Variants in IL16 observed in about 807,000 individuals in gnomAD.
IL16 encodes the protein pro-interleukin-16.
Under a neutral mutation model 110.1 loss-of-function variants are expected in IL16, and 67 were observed. The ratio of observed to expected loss-of-function variants is 0.61; its 90% CI spans 0.50 to 0.75. The LOEUF (loss-of-function observed/expected upper bound fraction) is 0.75, where lower values mean the gene tolerates loss of function less well. Ranked by LOEUF, IL16 falls within the 30% of genes least tolerant of loss-of-function variation. The pLI, the probability that IL16 is intolerant of heterozygous loss-of-function variation, is 0.00. For missense variants in IL16, 1,545 were observed against 1,655.0 expected (o/e 0.93, Z 1.15); for synonymous variants, 689 against 662.9 (o/e 1.04, Z -0.61).
intron 2 of IL16, among the ~76,000 whole-genome samples, chr15:81,232,067 C>CTT (rs1188437602): frequency 5.5e-5 from 3 of 54,326 alleles, no homozygotes; most frequent in Non-Finnish European, 7.3e-5. Context: ...TTTTTTTTTT[C>CTT]TTTTTTTTTT....
intron 1 of IL16, among the ~76,000 whole-genome samples, chr15:81,213,926 A>G (rs1007575138): frequency 6.6e-6 from 1 of 151,874 alleles, no homozygotes; most frequent in African/African-American, 2.4e-5. Flanking sequence ...TCATGTTTTG[A>G]TCCTGTCCTC....
intron 2 of IL16, among the ~76,000 whole-genome samples, chr15:81,249,037 T>C (rs1897674168): frequency 6.6e-6 from 1 of 152,120 alleles, no homozygotes; most frequent in South Asian, 2.1e-4. Context: ...ATTTCTGTGA[T>C]TTTATGGTGA....
chr15:81,276,595 C>T (rs769524352), intron 6 of IL16, among the ~76,000 whole-genome samples: 3 of 152,198 alleles, frequency 2.0e-5, no homozygotes, highest in Non-Finnish European at 4.4e-5. Flanking sequence ...CATGGCTCCT[C>T]AGTTGGCCAA....
chr15:81,184,078 A>G (rs566883446), intron 1 of IL16, among the ~76,000 whole-genome samples: 1 of 152,346 alleles, frequency 6.6e-6, no homozygotes, highest in South Asian at 2.1e-4. Flanking sequence ...GGCTCTTCGT[A>G]TAGCAGAAAG....
At chr15:81,255,742 C>T (rs1346076669) in intron 2 of IL16, among the ~76,000 whole-genome samples, 3 of 146,522 alleles carry the variant, frequency 2.0e-5, no homozygotes, top group African/African-American at 5.0e-5. Flanking sequence ...CCCTCTAACA[C>T]GGCATTAAGT....
At chr15:81,202,515 C>G (rs1048729354) in intron 1 of IL16, among the ~76,000 whole-genome samples, 2 of 148,978 alleles carry the variant, frequency 1.3e-5, no homozygotes, top group Non-Finnish European at 3.0e-5. Context: ...GTGATGTTCC[C>G]CTTCCTGTGT....
At chr15:81,263,354 T>TG (rs762381522) in intron 3 of IL16, among the ~76,000 whole-genome samples, 1,554 of 146,344 alleles carry the variant, frequency 0.011, 18 homozygotes, top group African/African-American at 0.026. Flanking sequence ...CTATTTTTTT[T>TG]TGTTTTTTTT....
chr15:81,211,352 G>A (rs1438027421), intron 1 of IL16, among the ~76,000 whole-genome samples: 6 of 151,794 alleles, frequency 4.0e-5, no homozygotes, highest in Non-Finnish European at 8.8e-5. Flanking sequence ...CCCAGGTTCA[G>A]GCTATTCTCC....
chr15:81,302,119 C>G (rs543339272), intron 15 of IL16: 1 of 152,566 alleles, frequency 6.6e-6, no homozygotes, highest in East Asian at 1.9e-4. Flanking sequence ...CCTGCACCCT[C>G]TAGGTGCTGC....
rs542885093 is a variant in IL16, at chr15:81,201,219, CATG to C, written c.-102+4070_-102+4072del. 6.7e-3 allele frequency among the ~76,000 whole-genome samples: 1,016 copies of C among 151,984 alleles called. 8 individuals are homozygous for C. The highest frequency in any genetic ancestry group is 0.018 in the Admixed American group (270 of 15,234). ...TATATCTAAAAATAATCTTAAAAGA[CATG>C]ATATGTAATTTCTTACCAAAACTCA... On this transcript the variant is annotated intron_variant, in intron 1 of 18. Coordinates refer to ENST00000683961, the MANE Select transcript of IL16 (RefSeq NM_172217.5).
At chr15:81,293,059 T>C (rs375395551) in intron 12 of IL16, 22 bp downstream of exon 12, 3 of 1,580,226 alleles carry the variant, frequency 1.9e-6, no homozygotes, top group African/African-American at 2.7e-5. Context: ...GGTCCACAGG[T>C]TGAGTGTTTC....
At chr15:81,186,050 C>T (rs952766569) in intron 1 of IL16, among the ~76,000 whole-genome samples, 16 of 152,154 alleles carry the variant, frequency 1.1e-4, no homozygotes, top group Non-Finnish European at 2.2e-4. Flanking sequence ...GCCTGTGTAT[C>T]AGCCAGTTGT....
At chr15:81,250,451 AC>A (rs1489621390) in intron 2 of IL16, among the ~76,000 whole-genome samples, 1 of 152,224 alleles carries the variant, frequency 6.6e-6, no homozygotes, top group African/African-American at 2.4e-5. Flanking sequence ...TGCTGCGATT[AC>A]AGGTGGGAGC....
intron 11 of IL16, 122 bp downstream of exon 11, chr15:81,290,662 TA>T (rs1899670729): frequency 3.6e-6 from 2 of 557,744 alleles, no homozygotes; most frequent in East Asian, 6.6e-5. Flanking sequence ...ACCAGCATAG[TA>T]TGTAGACAAA....
In IL16 at chr15:81,254,801, G is replaced by C. The variant is rs552064954; in HGVS notation, c.313-4971G>C. ...GCTCCTACAGAGAATCCTTTGATGAGAAACCTCTCCACCCAGGACATACTT... is the reference window on the plus strand; with the variant it reads ...GCTCCTACAGAGAATCCTTTGATGACAAACCTCTCCACCCAGGACATACTT... On this transcript the variant is annotated intron_variant, in intron 2 of 18. Coordinates refer to ENST00000683961, the MANE Select transcript of IL16 (RefSeq NM_172217.5). 5.3e-5 allele frequency among the ~76,000 whole-genome samples: 8 copies of C among 152,312 alleles called. No homozygotes were observed. In the East Asian group the frequency reaches 1.3e-3, roughly 26 times the overall value.
At chr15:81,271,324 T>C (rs1194418425) in intron 5 of IL16, among the ~76,000 whole-genome samples, 1 of 151,234 alleles carries the variant, frequency 6.6e-6, no homozygotes, top group Non-Finnish European at 1.5e-5. Flanking sequence ...TATAAAATAA[T>C]TAACCCGGTA....
At chr15:81,192,015 A>G (rs1445760028), upstream of IL16, among the ~76,000 whole-genome samples, 1 of 152,320 alleles carries the variant, frequency 6.6e-6, no homozygotes, top group East Asian at 1.9e-4. Context: ...GGCAGTAAAT[A>G]TATCTCTCTG....
intron 1 of IL16, among the ~76,000 whole-genome samples, chr15:81,216,127 A>C (rs367549946): frequency 1.3e-5 from 2 of 152,202 alleles, no homozygotes; most frequent in East Asian, 3.9e-4. Flanking sequence ...AGCGCCTCCC[A>C]GAGGGGAATA....
At chr15:81,187,426 A>G (rs1383572910) in intron 1 of IL16, among the ~76,000 whole-genome samples, 1 of 152,124 alleles carries the variant, frequency 6.6e-6, no homozygotes, top group African/African-American at 2.4e-5. Flanking sequence ...GCAAGACCCC[A>G]TCTCTAAAAA....
Sources: allele counts gnomAD v4.1 joint callset (sites outside exome capture counted in the v4.1 genomes callset), GRCh38; gene constraint gnomAD v4.1.1; transcripts MANE v1.5; gene names NCBI Gene and HGNC (gene_info 2026-07-23, HGNC 2026-07-21).